Variants in PTPN21 observed in about 807,000 individuals in gnomAD.
PTPN21 encodes the protein protein tyrosine phosphatase non-receptor type 21.
Under a neutral mutation model 131.8 loss-of-function variants are expected in PTPN21, and 77 were observed. The observed-to-expected ratio is 0.58, with a 90% CI of 0.49 to 0.71. The LOEUF (loss-of-function observed/expected upper bound fraction) is 0.71. PTPN21 is among the 30% of genes least tolerant of loss of function. The pLI, the probability that PTPN21 is intolerant of heterozygous loss-of-function variation, is 0.00. For synonymous variants in PTPN21, 715 were observed against 621.3 expected (o/e 1.15, Z -2.24); for missense variants, 1,552 against 1,527.1 (o/e 1.02, Z -0.27).
chr14:88,487,727 C>T (rs1336721597), intron 10 of PTPN21, among the ~76,000 whole-genome samples: 2 of 151,862 alleles, frequency 1.3e-5, no homozygotes, highest in Non-Finnish European at 2.9e-5. Context: ...GTCTGCATGG[C>T]GTGTCTGGGT....
chr14:88,545,676 A>G (rs1275302003), intron 2 of PTPN21, among the ~76,000 whole-genome samples: 1 of 152,216 alleles, frequency 6.6e-6, no homozygotes, highest in Non-Finnish European at 1.5e-5. Flanking sequence ...TCATTTTCCC[A>G]TTTTTAAAAG....
chr14:88,505,249 G>A (rs1197438016), intron 5 of PTPN21, 55 bp downstream of exon 5: 4 of 1,315,624 alleles, frequency 3.0e-6, no homozygotes, highest in Non-Finnish European at 4.3e-6. Context: ...GGATTATTAA[G>A]GGTATAGGAA....
chr14:88,480,432 C>T (rs2077636854), intron 12 of PTPN21, 80 bp from the exon 13 acceptor site: 3 of 1,113,110 alleles, frequency 2.7e-6, no homozygotes, highest in African/African-American at 1.6e-5. Flanking sequence ...GCCCTTACCT[C>T]TGATGACATT....
intron 2 of PTPN21, among the ~76,000 whole-genome samples, chr14:88,531,793 GAAACA>G (rs557271097): frequency 1.3e-5 from 2 of 151,856 alleles, no homozygotes; most frequent in Non-Finnish European, 2.9e-5. Context: ...AAATGAAATT[GAAACA>G]AAACAAAACA....
chr14:88,472,478 A>G lies in PTPN21; in HGVS notation c.2650-13T>C, dbSNP rs751330058. On this transcript the variant is annotated splice_polypyrimidine_tract_variant and intron_variant, in intron 14 of 18. Coordinates refer to ENST00000556564, the MANE Select transcript of PTPN21 (RefSeq NM_007039.4). ...CCAGAATTTTACACTATAAAACAGA[A>G]TATGTGTAATAACATGAATACAGCC... The G allele has an allele frequency of 5.3e-6, 8 of 1,513,950 alleles. No individual in the cohort carries two copies. The highest frequency in any genetic ancestry group is 5.5e-6 in the Non-Finnish European group (6 of 1,090,422). The allele number at this position is 1,513,950 out of a possible 1,614,324, so 93.8% of individuals were successfully genotyped here.
At chr14:88,526,949 TCCA>T (rs1235717208) in intron 2 of PTPN21, among the ~76,000 whole-genome samples, 7 of 152,234 alleles carry the variant, frequency 4.6e-5, no homozygotes, top group Non-Finnish European at 8.8e-5. Flanking sequence ...AATAATGGTC[TCCA>T]ACTCCATCTA....
chr14:88,478,845 G>A, intron 13 of PTPN21, 75 bp downstream of exon 13: 1 of 1,003,334 alleles, frequency 1.0e-6, no homozygotes, highest in Non-Finnish European at 1.4e-6. Flanking sequence ...GAAAAACACG[G>A]GACGTGATGA....
rs563267411 is a variant in PTPN21, at chr14:88,552,821, C to A, written c.-203+1830G>T. ...ATGGAAAAAAATTAGCAAATGACAA[C>A]TTTAAATAATAAGCTTTTAACTAGA... On this transcript the variant is annotated intron_variant, in intron 1 of 18. Coordinates refer to ENST00000556564, the MANE Select transcript of PTPN21 (RefSeq NM_007039.4). 7.9e-5 allele frequency among the ~76,000 whole-genome samples: 12 copies of A among 152,230 alleles called. 1 individual carries two copies. In the South Asian group the frequency reaches 2.5e-3, roughly 32 times the overall value.
chr14:88,518,187 C>T (rs1595392281), intron 2 of PTPN21, among the ~76,000 whole-genome samples: 1 of 84,120 alleles, frequency 1.2e-5, no homozygotes, highest in African/African-American at 4.8e-5. Flanking sequence ...TTCTTCTGGG[C>T]AACAGAGTGA....
chr14:88,547,615 T>TGTACTC (rs1484057116), intron 2 of PTPN21: 1 of 454,418 alleles, frequency 2.2e-6, no homozygotes, highest in Admixed American at 2.4e-5. Context: ...ACGGTGCCAC[T>TGTACTC]GTACTCCAGC....
chr14:88,537,522 A>G (rs2078647503), intron 2 of PTPN21, among the ~76,000 whole-genome samples: 1 of 152,198 alleles, frequency 6.6e-6, no homozygotes, highest in Admixed American at 6.5e-5. Context: ...TCTGGGAACT[A>G]GGAATACAGC....
At chr14:88,538,049 A>G (rs1007721546) in intron 2 of PTPN21, among the ~76,000 whole-genome samples, 2 of 152,238 alleles carry the variant, frequency 1.3e-5, no homozygotes, top group Admixed American at 1.3e-4. Flanking sequence ...ATGACTGTAT[A>G]TATATAACCA....
In PTPN21 at chr14:88,469,087, T is replaced by C; in HGVS notation, c.3236-11A>G. 4 of 1,602,548 alleles carry C rather than the reference T, an allele frequency of 2.5e-6. No homozygotes were observed. The highest frequency in any genetic ancestry group is 3.4e-6 in the Non-Finnish European group (4 of 1,171,670). ...TCTCTTCAAGATATGCTGTGGAAAA[T>C]CAATGAAATAGAAAAGTACTCAAGG... On this transcript the variant is annotated splice_polypyrimidine_tract_variant and intron_variant, in intron 17 of 18. Transcript: ENST00000556564. This position sits in a 1 kb window ranked among gnomAD's most constrained non-coding sequence, Gnocchi z 4.3.
At chr14:88,507,695 G>T (rs74077613) in intron 4 of PTPN21, among the ~76,000 whole-genome samples, 231 of 152,188 alleles carry the variant, frequency 1.5e-3, no homozygotes, top group African/African-American at 5.3e-3. Flanking sequence ...TGTACTGTTT[G>T]CTCTGTTGAC....
rs377274479 is a variant in PTPN21 at position 88,470,098 on chromosome 14, A to T, written c.2872-48T>A. 2.5e-6 allele frequency: 4 copies of T among 1,574,116 alleles called. No individual in the cohort carries two copies. In the African/African-American group the frequency reaches 4.1e-5, roughly 16 times the overall value. On this transcript the variant is annotated intron_variant, in intron 15 of 18. Transcript: ENST00000556564. ...AAATTGATGTGTGGGTATAATATAC[A>T]TAGGTATGTATGCATGCATTCATGG...
At chr14:88,530,327 T>TA (rs2078537766) in intron 2 of PTPN21, among the ~76,000 whole-genome samples, 1 of 152,098 alleles carries the variant, frequency 6.6e-6, no homozygotes, top group Non-Finnish European at 1.5e-5. Flanking sequence ...AGAAACTCCT[T>TA]AAAGCATAAA....
chr14:88,487,444 T>C (rs1264164456), intron 10 of PTPN21, among the ~76,000 whole-genome samples: 5 of 152,148 alleles, frequency 3.3e-5, no homozygotes, highest in African/African-American at 1.2e-4. Context: ...TCAAGCCTCA[T>C]GTCTCATAAA....
chr14:88,506,951 CA>C (rs1208743392), intron 4 of PTPN21, among the ~76,000 whole-genome samples: 1 of 151,908 alleles, frequency 6.6e-6, no homozygotes, highest in Non-Finnish European at 1.5e-5. Flanking sequence ...GAGGCTGAGG[CA>C]GGAGAATCGC....
chr14:88,534,874 CTTAAAAAA>C (rs2078607227), intron 2 of PTPN21, among the ~76,000 whole-genome samples: 1 of 152,060 alleles, frequency 6.6e-6, no homozygotes, highest in African/African-American at 2.4e-5. Context: ...GAGACTCTGT[CTTAAAAAA>C]TTAAAAAATT....
Sources: gnomAD v4.1 joint callset for allele counts (sites outside exome capture counted in the v4.1 genomes callset) on GRCh38, gnomAD v4.1.1 for gene constraint, Gnocchi (gnomAD v3.1) non-coding constraint, MANE v1.5 for transcripts, NCBI Gene and HGNC (gene_info 2026-07-23, HGNC 2026-07-21) for gene names.